The following CYP4Z1 variants were observed in gnomAD, a reference collection of about 807,000 sequenced individuals.
CYP4Z1 encodes the protein cytochrome P450 family 4 subfamily Z member 1.
A neutral mutation model predicts 54.2 loss-of-function variants in CYP4Z1; 41 were observed. The ratio of observed to expected loss-of-function variants is 0.76; its 90% CI spans 0.59 to 0.98. The LOEUF (loss-of-function observed/expected upper bound fraction) is 0.98. Ranked by LOEUF, CYP4Z1 falls within the 50% of genes least tolerant of loss-of-function variation. The pLI is 0.00. For synonymous variants in CYP4Z1, 163 were observed against 206.2 expected, an observed-to-expected ratio of 0.79 and a Z score of 1.79; for missense variants, 513 against 599.0, an observed-to-expected ratio of 0.86 and a Z score of 1.50.
In CYP4Z1 at chr1:47,118,098, C is replaced by A. The variant is rs1296772872; in HGVS notation, c.*164C>A. On this transcript the variant is annotated 3_prime_UTR_variant, in exon 12 of 12. Transcript: ENST00000334194. Reference sequence around the variant, plus strand: ...CATCCATTAACAGTAATTTTAATTTCTTTGCTGTATCTGGTGAAACCCACA... The same window carrying A: ...CATCCATTAACAGTAATTTTAATTTATTTGCTGTATCTGGTGAAACCCACA... 2.3e-5 allele frequency: 17 copies of A among 745,878 alleles called. No individual in the cohort carries two copies. The highest frequency in any genetic ancestry group is 3.4e-5 in the Non-Finnish European group (17 of 507,306). 46.2% of individuals were successfully genotyped at this position (745,878 alleles called of 1,614,324 possible).
In CYP4Z1 at chr1:47,114,020, G is replaced by A. The variant is rs571504648; in HGVS notation, c.1202-1509G>A. On this transcript the variant is annotated intron_variant, in intron 9 of 11. Coordinates refer to ENST00000334194, the MANE Select transcript of CYP4Z1 (RefSeq NM_178134.3). ...CTAAGCCAAAAGAACAAAGCTGGAG[G>A]CATCATGCTACCTGACTTCAAACTA... 4.6e-5 allele frequency among the ~76,000 whole-genome samples: 7 copies of A among 152,252 alleles called. No homozygotes were observed. In the East Asian group the frequency reaches 1.2e-3, roughly 25 times the overall value.
At chr1:47,094,883 T>C (rs180920678) in intron 7 of CYP4Z1, among the ~76,000 whole-genome samples, 45 of 152,192 alleles carry the variant, frequency 3.0e-4, no homozygotes, top group South Asian at 2.5e-3. Context: ...TGGTGCATGC[T>C]TGTAGTCCCA....
In CYP4Z1 at chr1:47,094,668, A is replaced by C; in HGVS notation, c.875A>C (p.Lys292Thr). The C allele has an allele frequency of 6.2e-7, 1 of 1,608,740 alleles. No homozygotes were observed. Among genetic ancestry groups the C allele is most frequent in the South Asian group, 1.1e-5 (1 of 89,848 alleles). The change falls in exon 7 of 12, where the codon AAA becomes ACA. Residue 292 changes from lysine to threonine, a missense_variant and splice_region_variant. Physicochemically the swap from Lys to Thr is moderately conservative, Grantham distance 78. Coordinates refer to ENST00000334194, the MANE Select transcript of CYP4Z1 (RefSeq NM_178134.3). The part of the protein sequence containing the change: ...WDFLDILLSA[K>T]SENTKDFSEA... ...TTTCTGGACATACTTTTGAGTGCCA[A>C]AGTAAGTCTTCTAAACTTCTGAACA...
intron 8 of CYP4Z1, among the ~76,000 whole-genome samples, chr1:47,100,968 TC>T (rs1225135473): frequency 6.6e-6 from 1 of 152,232 alleles, no homozygotes; most frequent in African/African-American, 2.4e-5. Flanking sequence ...TTCTATTTCT[TC>T]CCAGTTCAGT....
At chr1:47,111,985 A>T (rs1459846497) in intron 9 of CYP4Z1, among the ~76,000 whole-genome samples, 1 of 152,232 alleles carries the variant, frequency 6.6e-6, no homozygotes, top group African/African-American at 2.4e-5. Flanking sequence ...AAGCTATAAT[A>T]GTAAATGCGA....
intron 9 of CYP4Z1, among the ~76,000 whole-genome samples, chr1:47,110,128 C>T (rs1390832921): frequency 2.3e-5 from 2 of 88,138 alleles, no homozygotes; most frequent in African/African-American, 9.7e-5. Context: ...ACAAAAACAA[C>T]AGATTCCCTC....
chr1:47,111,877 T>C (rs978183108), intron 9 of CYP4Z1, among the ~76,000 whole-genome samples: 3 of 152,216 alleles, frequency 2.0e-5, no homozygotes, highest in African/African-American at 7.2e-5. Flanking sequence ...TTAAAAACTC[T>C]TGGGCTAAAG....
chr1:47,068,168 G>A (rs1398682232), intron 1 of CYP4Z1, among the ~76,000 whole-genome samples: 1 of 152,104 alleles, frequency 6.6e-6, no homozygotes, highest in African/African-American at 2.4e-5. Flanking sequence ...AGCATGAGTG[G>A]GTATATCCAG....
At chr1:47,059,259 C>T in the CYP4Z1 span, among the ~76,000 whole-genome samples, 1 of 152,042 alleles carries the variant, frequency 6.6e-6, no homozygotes, top group South Asian at 2.1e-4. Flanking sequence ...ACATTTTTGC[C>T]TAAACCCTGA....
At chr1:47,076,130 G>A (rs1214035762) in intron 2 of CYP4Z1, among the ~76,000 whole-genome samples, 1 of 130,038 alleles carries the variant, frequency 7.7e-6, no homozygotes, top group African/African-American at 3.0e-5. Flanking sequence ...TGATAGTAAC[G>A]TTCCCACTTT....
At chr1:47,062,359 G>GCTGCAGGCTCCCTGAGAAGCCAAAAGCA (rs1488816427), upstream of CYP4Z1, among the ~76,000 whole-genome samples, 7 of 152,174 alleles carry the variant, frequency 4.6e-5, no homozygotes, top group Non-Finnish European at 8.8e-5. Context: ...TGAAGTAACT[G>GCTGCAGGCTCCCTGAGAAGCCAAAAGCA]GATTACTGCT....
At chr1:47,074,072 T>C (rs1353231705) in intron 2 of CYP4Z1, among the ~76,000 whole-genome samples, 1 of 152,200 alleles carries the variant, frequency 6.6e-6, no homozygotes, top group Non-Finnish European at 1.5e-5. Context: ...AGTTTTATAG[T>C]TTTGACTCTT....
At chr1:47,085,243 T>C (rs960883102) in intron 6 of CYP4Z1, among the ~76,000 whole-genome samples, 1 of 152,184 alleles carries the variant, frequency 6.6e-6, no homozygotes, top group Non-Finnish European at 1.5e-5. Flanking sequence ...TCATTTCTTA[T>C]GGAGCAGCTT....
chr1:47,073,741 A>G (rs2405348), intron 2 of CYP4Z1, among the ~76,000 whole-genome samples: 135,596 of 149,838 alleles, frequency 0.9, 61,262 homozygotes, highest in Non-Finnish European at 0.99. Context: ...TTGCTGGCCC[A>G]TTGTTTATCT....
intron 6 of CYP4Z1, among the ~76,000 whole-genome samples, chr1:47,087,316 C>T (rs1412477879): frequency 6.6e-6 from 1 of 152,172 alleles, no homozygotes; most frequent in Admixed American, 6.5e-5. Context: ...ATTGATTCTT[C>T]CTACCCATGA....
At chr1:47,083,075 C>G (rs1016429714) in intron 4 of CYP4Z1, among the ~76,000 whole-genome samples, 1 of 152,062 alleles carries the variant, frequency 6.6e-6, no homozygotes, top group Non-Finnish European at 1.5e-5. Flanking sequence ...CACCTAAGGT[C>G]CGTTTCAGGG....
At chr1:47,098,433 G>C (rs1419873735) in intron 7 of CYP4Z1, among the ~76,000 whole-genome samples, 2 of 152,052 alleles carry the variant, frequency 1.3e-5, no homozygotes, top group Admixed American at 1.3e-4. Context: ...GTTGTTGGTG[G>C]AAAAATAGTA....
chr1:47,057,805 G>T, the CYP4Z1 span, among the ~76,000 whole-genome samples: 12 of 151,728 alleles, frequency 7.9e-5, no homozygotes, highest in East Asian at 2.1e-3. Context: ...GCTCCAGATT[G>T]GTTTATATTA....
the CYP4Z1 span, among the ~76,000 whole-genome samples, chr1:47,059,587 T>C: frequency 1.3e-5 from 2 of 152,206 alleles, no homozygotes; most frequent in Non-Finnish European, 2.9e-5. Flanking sequence ...GGAATTTGGC[T>C]ACGTAAATAT....
Sources: allele counts gnomAD v4.1 joint callset (sites outside exome capture counted in the v4.1 genomes callset), GRCh38; gene constraint gnomAD v4.1.1; transcripts MANE v1.5; gene names NCBI Gene and HGNC (gene_info 2026-07-23, HGNC 2026-07-21).